The following DLGAP1 variants were observed in gnomAD, a reference collection of about 807,000 sequenced individuals.
The protein encoded by DLGAP1 is disks large-associated protein 1.
DLGAP1 carries 11 observed loss-of-function variants against 90.8 expected under a neutral mutation model. The observed-to-expected ratio is 0.12, with a 90% CI of 0.08 to 0.20. DLGAP1 has a LOEUF of 0.20. Ranked by LOEUF, DLGAP1 falls within the 10% of genes least tolerant of loss-of-function variation. DLGAP1 has a pLI of 1.00. For missense variants in DLGAP1, 1,050 were observed against 1,333.8 expected (o/e 0.79, Z 3.31); for synonymous variants, 558 against 540.7 (o/e 1.03, Z -0.44).
chr18:4,213,774 G>A (rs1264884075), intron 1 of DLGAP1, among the ~76,000 whole-genome samples: 2 of 152,182 alleles, frequency 1.3e-5, no homozygotes, highest in African/African-American at 2.4e-5. Context: ...ACAAGAACAA[G>A]TCTTGGGCTT....
At chr18:4,181,648 C>T (rs1200347870) in intron 1 of DLGAP1, among the ~76,000 whole-genome samples, 1 of 152,086 alleles carries the variant, frequency 6.6e-6, no homozygotes, top group African/African-American at 2.4e-5. Flanking sequence ...CGACAATCAA[C>T]CTTTAATTTC....
At chr18:4,033,137 ATTAG>A (rs1489322737) in intron 2 of DLGAP1, among the ~76,000 whole-genome samples, 2 of 151,926 alleles carry the variant, frequency 1.3e-5, no homozygotes, top group African/African-American at 2.4e-5. Flanking sequence ...TGCCCTAATC[ATTAG>A]TTATTTCATT....
At chr18:4,414,471 C>T (rs1280157900) in intron 1 of DLGAP1, among the ~76,000 whole-genome samples, 1 of 152,120 alleles carries the variant, frequency 6.6e-6, no homozygotes, top group East Asian at 1.9e-4. Flanking sequence ...TGCCTGTAAT[C>T]CCAGCACTTT....
intron 1 of DLGAP1, among the ~76,000 whole-genome samples, chr18:4,375,867 A>T (rs1372784076): frequency 6.6e-6 from 1 of 151,422 alleles, no homozygotes; most frequent in Non-Finnish European, 1.5e-5. Flanking sequence ...ATTTAAGACT[A>T]TCCATACATC....
intron 7 of DLGAP1, among the ~76,000 whole-genome samples, chr18:3,611,989 G>C (rs1421216238): frequency 6.6e-6 from 1 of 152,224 alleles, no homozygotes; most frequent in East Asian, 1.9e-4. Flanking sequence ...CTAGCCCTAA[G>C]TGTATCCACT....
At chr18:3,560,682 C>T (rs11081058) in intron 9 of DLGAP1, among the ~76,000 whole-genome samples, 68,805 of 149,710 alleles carry the variant, frequency 0.46, 19,887 homozygotes, top group African/African-American at 0.76. Flanking sequence ...AAGGGTTAAG[C>T]TGATTATTTA....
intron 7 of DLGAP1, among the ~76,000 whole-genome samples, chr18:3,696,412 G>A (rs1421288166): frequency 6.6e-6 from 1 of 152,170 alleles, no homozygotes; most frequent in Non-Finnish European, 1.5e-5. Context: ...GTGAAGTGGT[G>A]TTGAATTTTA....
At chr18:4,088,247 C>T (rs1457277541) in intron 2 of DLGAP1, among the ~76,000 whole-genome samples, 3 of 152,030 alleles carry the variant, frequency 2.0e-5, no homozygotes, top group South Asian at 2.1e-4. Context: ...GAGTCTCACA[C>T]CAATATACTT....
At chr18:3,587,277 ACCCCTGAC>A (rs1401970175) in intron 7 of DLGAP1, among the ~76,000 whole-genome samples, 2,260 of 151,764 alleles carry the variant, frequency 0.015, 65 homozygotes, top group African/African-American at 0.051. Context: ...CTAGTCTCAA[ACCCCTGAC>A]CTCAGGTGAT....
chr18:3,999,716 T>TG (rs2074142513), intron 3 of DLGAP1, among the ~76,000 whole-genome samples: 1 of 14,014 alleles, frequency 7.1e-5, no homozygotes, highest in African/African-American at 2.4e-4. Flanking sequence ...TACAAATTAT[T>TG]GGGGGGAAAA....
rs569420926 is a variant in DLGAP1 at position 4,075,675 on chromosome 18, C to T, written c.-158-70474G>A. ...GCATTATTAGGCTAGAAAACAACAA[C>T]AGGCAGAGAATGCTATTTAATTATC... On this transcript the variant is annotated intron_variant, in intron 2 of 12. Coordinates refer to ENST00000315677, the MANE Select transcript of DLGAP1 (RefSeq NM_004746.4). Among the ~76,000 whole-genome samples, 22 of 152,284 alleles carry T rather than the reference C, an allele frequency of 1.4e-4. 2 individuals are homozygous for T. In the South Asian group the frequency reaches 2.3e-3, roughly 16 times the overall value.
At chr18:4,370,249 A>T in intron 1 of DLGAP1, among the ~76,000 whole-genome samples, 1 of 152,226 alleles carries the variant, frequency 6.6e-6, no homozygotes, top group East Asian at 1.9e-4. Context: ...ACAGAAAAAC[A>T]GATCCAGATC....
chr18:4,048,292 T>G (rs1465085339), intron 2 of DLGAP1, among the ~76,000 whole-genome samples: 1 of 152,228 alleles, frequency 6.6e-6, no homozygotes, highest in Non-Finnish European at 1.5e-5. Flanking sequence ...ATATTTAAGA[T>G]GAAGAATTAA....
chr18:3,652,032 C>T (rs185455340), intron 7 of DLGAP1, among the ~76,000 whole-genome samples: 43 of 151,546 alleles, frequency 2.8e-4, no homozygotes, highest in African/African-American at 4.6e-4. Context: ...GGCGTGGTGG[C>T]GCGCGCCTGT....
intron 1 of DLGAP1, among the ~76,000 whole-genome samples, chr18:4,286,244 TA>T (rs1412120192): frequency 6.6e-6 from 1 of 151,966 alleles, no homozygotes; most frequent in African/African-American, 2.4e-5. Context: ...CAGCAGGTAA[TA>T]AAATCAATCA....
chr18:4,315,091 T>G (rs2143512148), intron 1 of DLGAP1, among the ~76,000 whole-genome samples: 1 of 152,324 alleles, frequency 6.6e-6, no homozygotes, highest in East Asian at 1.9e-4. Flanking sequence ...GCATAGACCC[T>G]GGAGTCAAAC....
chr18:3,864,842 A>G (rs1385256415), intron 4 of DLGAP1, among the ~76,000 whole-genome samples: 1 of 152,158 alleles, frequency 6.6e-6, no homozygotes, highest in Non-Finnish European at 1.5e-5. Context: ...TGACTCACTA[A>G]TTCAATTTTA....
chr18:3,553,028 C>T (rs968985501), intron 9 of DLGAP1, among the ~76,000 whole-genome samples: 1 of 151,688 alleles, frequency 6.6e-6, no homozygotes, highest in African/African-American at 2.4e-5. Flanking sequence ...AACAAAAATT[C>T]CTTTTATTGT....
chr18:4,213,327 C>G (rs2077886086), intron 1 of DLGAP1, among the ~76,000 whole-genome samples: 2 of 152,098 alleles, frequency 1.3e-5, no homozygotes, highest in Admixed American at 1.3e-4. Flanking sequence ...GTTGGAGGAG[C>G]ATGGCAGAAA....
Sources: gnomAD v4.1 joint callset for allele counts (sites outside exome capture counted in the v4.1 genomes callset) on GRCh38, gnomAD v4.1.1 for gene constraint, MANE v1.5 for transcripts, NCBI Gene and HGNC (gene_info 2026-07-23, HGNC 2026-07-21) for gene names.